AKAIN1: variants seen among roughly 807,000 people sequenced by gnomAD.
The protein encoded by AKAIN1 is A-kinase anchor protein inhibitor 1.
Under a neutral mutation model 3.7 loss-of-function variants are expected in AKAIN1, and 3 were observed. The observed-to-expected ratio is 0.82, with a 90% CI of 0.37 to 2.12. AKAIN1 has a LOEUF of 2.12. Among genes scored for constraint, AKAIN1 ranks in the 30% most tolerant of loss-of-function variants. The pLI is 0.06. For synonymous variants in AKAIN1, 31 were observed against 30.8 expected (o/e 1.01, Z -0.02); for missense variants, 82 against 82.7 (o/e 0.99, Z 0.03).
At position 5,143,840 on chromosome 18, in the gene AKAIN1, C is replaced by T. The variant is rs2143297601; in HGVS notation, c.*1722G>A. Among the ~76,000 whole-genome samples, 1 of 152,272 alleles carries T rather than the reference C, an allele frequency of 6.6e-6. No individual in the cohort carries two copies. The highest frequency in any genetic ancestry group is 2.1e-4 in the South Asian group (1 of 4,822). On this transcript the variant is annotated 3_prime_UTR_variant, in exon 2 of 2. Transcript: ENST00000434239. ...CTTGACAGCAAAAACAAAGGCTGGTCATATCCAGATATCTGAGTAGACATA... is the reference window on the plus strand; with the variant it reads ...CTTGACAGCAAAAACAAAGGCTGGTTATATCCAGATATCTGAGTAGACATA...
chr18:5,165,791 G>T (rs954014626), intron 1 of AKAIN1, among the ~76,000 whole-genome samples: 1 of 152,080 alleles, frequency 6.6e-6, no homozygotes, highest in Non-Finnish European at 1.5e-5. Flanking sequence ...TTGAAAGTGA[G>T]CTTGGCTCAG....
rs569674906 is a variant in AKAIN1 at position 5,176,016 on chromosome 18, C to G, written c.16+21022G>C. Among the ~76,000 whole-genome samples the G allele has an allele frequency of 1.8e-3, 272 of 152,172 alleles. 2 individuals are homozygous for G. Among genetic ancestry groups the G allele is most frequent in the African/African-American group, 6.2e-3 (257 of 41,532 alleles). ...TGTAGTTGGCCCTGTCAGTAGTACTCCTTAGTCATGACAAGGGAAAATGTC... is the reference window on the plus strand; with the variant it reads ...TGTAGTTGGCCCTGTCAGTAGTACTGCTTAGTCATGACAAGGGAAAATGTC... On this transcript the variant is annotated intron_variant, in intron 1 of 1. Coordinates refer to ENST00000434239, the MANE Select transcript of AKAIN1 (RefSeq NM_001145194.2).
chr18:5,192,606 T>C (rs1020530656), intron 1 of AKAIN1, among the ~76,000 whole-genome samples: 1 of 152,082 alleles, frequency 6.6e-6, no homozygotes, highest in Admixed American at 6.6e-5. Context: ...ATCTTGGACT[T>C]GGAATTCCAG....
chr18:5,185,749 G>A (rs926189034), intron 1 of AKAIN1, among the ~76,000 whole-genome samples: 11 of 152,160 alleles, frequency 7.2e-5, no homozygotes, highest in African/African-American at 2.7e-4. Context: ...TGGTAGGAGT[G>A]TAAATTAGTT....
intron 1 of AKAIN1, among the ~76,000 whole-genome samples, chr18:5,176,839 C>T (rs1239347950): frequency 6.6e-6 from 1 of 151,652 alleles, no homozygotes; most frequent in African/African-American, 2.4e-5. Flanking sequence ...TCTCCCTGCA[C>T]CTATATACTG....
intron 1 of AKAIN1, among the ~76,000 whole-genome samples, chr18:5,169,543 T>C (rs1309223274): frequency 6.6e-6 from 1 of 151,990 alleles, no homozygotes; most frequent in East Asian, 1.9e-4. Context: ...CCAAGCACAA[T>C]TGGCATAGGA....
In AKAIN1 at chr18:5,172,499, C is replaced by T. The variant is rs1190280723; in HGVS notation, c.16+24539G>A. 6.6e-5 allele frequency among the ~76,000 whole-genome samples: 10 copies of T among 152,022 alleles called. No individual in the cohort carries two copies. The East Asian group carries it at 1.7e-3, about 26-fold the overall frequency. ...GAATGACTCATCTTTGATAATTAGT[C>T]ATATTGATTTCTTGTGGCATTGCAA... On this transcript the variant is annotated intron_variant, in intron 1 of 1. Transcript: ENST00000434239.
chr18:5,156,255 C>CA (rs953548772), intron 1 of AKAIN1, among the ~76,000 whole-genome samples: 6 of 151,668 alleles, frequency 4.0e-5, no homozygotes, highest in East Asian at 3.9e-4. Flanking sequence ...CAAAAACAAA[C>CA]AAAAAAAACA....
At chr18:5,191,150 T>C (rs944126846) in intron 1 of AKAIN1, among the ~76,000 whole-genome samples, 30 of 152,166 alleles carry the variant, frequency 2.0e-4, no homozygotes, top group African/African-American at 7.2e-4. Flanking sequence ...TTATTACTCC[T>C]ATTTAATATT....
At chr18:5,189,749 C>T (rs1247736192) in intron 1 of AKAIN1, among the ~76,000 whole-genome samples, 1 of 142,154 alleles carries the variant, frequency 7.0e-6, no homozygotes, top group African/African-American at 2.7e-5. Context: ...ACTTTTCCTA[C>T]AGCTCTCTTT....
At chr18:5,182,588 T>C (rs1009694729) in intron 1 of AKAIN1, among the ~76,000 whole-genome samples, 1 of 152,114 alleles carries the variant, frequency 6.6e-6, no homozygotes, top group African/African-American at 2.4e-5. Flanking sequence ...TTGCTTCATA[T>C]TTGAATTGCT....
At chr18:5,147,377 T>C (rs2071055190) in intron 1 of AKAIN1, among the ~76,000 whole-genome samples, 1 of 152,232 alleles carries the variant, frequency 6.6e-6, no homozygotes, top group African/African-American at 2.4e-5. Context: ...TCATGCATGG[T>C]AGACTGATCA....
intron 1 of AKAIN1, among the ~76,000 whole-genome samples, chr18:5,183,199 C>A (rs906413577): frequency 1.3e-5 from 2 of 151,724 alleles, no homozygotes; most frequent in Non-Finnish European, 2.9e-5. Context: ...ACATAAAAGA[C>A]AACTGAATGA....
At chr18:5,177,285 T>C (rs566304337) in intron 1 of AKAIN1, among the ~76,000 whole-genome samples, 1 of 152,280 alleles carries the variant, frequency 6.6e-6, no homozygotes, top group South Asian at 2.1e-4. Context: ...AAGAAATTAT[T>C]ATTACTATTC....
intron 1 of AKAIN1, among the ~76,000 whole-genome samples, chr18:5,152,197 A>G (rs2071084073): frequency 6.6e-6 from 1 of 152,234 alleles, no homozygotes; most frequent in East Asian, 1.9e-4. Flanking sequence ...AAGTCACTCA[A>G]CACTAGATAC....
chr18:5,195,172 T>G (rs2071340942), intron 1 of AKAIN1, among the ~76,000 whole-genome samples: 1 of 152,170 alleles, frequency 6.6e-6, no homozygotes, highest in African/African-American at 2.4e-5. Context: ...CCCCAGACGT[T>G]TCTGTATCTA....
At chr18:5,155,210 T>A (rs927973810) in intron 1 of AKAIN1, among the ~76,000 whole-genome samples, 1 of 152,058 alleles carries the variant, frequency 6.6e-6, no homozygotes, top group Admixed American at 6.5e-5. Context: ...TAAGAGACCA[T>A]CGACCATGGA....
At chr18:5,169,428 C>G (rs545088351) in intron 1 of AKAIN1, among the ~76,000 whole-genome samples, 9 of 151,994 alleles carry the variant, frequency 5.9e-5, no homozygotes, top group Admixed American at 3.9e-4. Flanking sequence ...GCAAATACAG[C>G]ACATGCACAT....
chr18:5,172,131 C>T (rs2143350604), intron 1 of AKAIN1, among the ~76,000 whole-genome samples: 1 of 152,098 alleles, frequency 6.6e-6, no homozygotes, highest in South Asian at 2.1e-4. Flanking sequence ...TTTGGGGGAG[C>T]TAAAAGTTAA....
Sources: gnomAD v4.1 joint callset for allele counts (sites outside exome capture counted in the v4.1 genomes callset) on GRCh38, gnomAD v4.1.1 for gene constraint, MANE v1.5 for transcripts, NCBI Gene and HGNC (gene_info 2026-07-23, HGNC 2026-07-21) for gene names.